Variants in RHBDF1 observed in about 807,000 individuals in gnomAD.
The protein encoded by RHBDF1 is inactive rhomboid protein 1.
In RHBDF1, 80 loss-of-function variants were observed where a neutral mutation model predicts 98.6. That is an observed-to-expected ratio of 0.81 (90% CI 0.68 to 0.98). The LOEUF is 0.98. Ranked by LOEUF, RHBDF1 falls within the 50% of genes least tolerant of loss-of-function variation. The pLI, the probability that RHBDF1 is intolerant of heterozygous loss-of-function variation, is 0.00. For missense variants in RHBDF1, 1,116 were observed against 1,198.3 expected (o/e 0.93, Z 1.01); for synonymous variants, 512 against 486.8 (o/e 1.05, Z -0.68).
chr16:65,797 G>A (rs1016916717), intron 1 of RHBDF1, among the ~76,000 whole-genome samples: 1 of 152,242 alleles, frequency 6.6e-6, no homozygotes, highest in Non-Finnish European at 1.5e-5. Context: ...AGGCTCCTGG[G>A]CACAAATGAC....
intron 1 of RHBDF1, among the ~76,000 whole-genome samples, chr16:69,316 G>T (rs1158959003): frequency 6.6e-6 from 1 of 152,156 alleles, no homozygotes; most frequent in African/African-American, 2.4e-5. Flanking sequence ...GGACCATGCT[G>T]GCAGGGACAA....
At chr16:66,668 G>T (rs1039484656) in intron 1 of RHBDF1, among the ~76,000 whole-genome samples, 21 of 152,156 alleles carry the variant, frequency 1.4e-4, no homozygotes, top group Non-Finnish European at 1.3e-4. Flanking sequence ...TGCACTTCAG[G>T]TCCCAGGTGA....
At chr16:60,166 C>T (rs1041776613) in intron 13 of RHBDF1, 50 bp downstream of exon 13, 7 of 1,612,346 alleles carry the variant, frequency 4.3e-6, no homozygotes, top group South Asian at 1.1e-5. Context: ...GTGGCATTCT[C>T]TCCCACATGA....
rs1345183701 is a variant in RHBDF1, at chr16:63,113, G to C, written c.532C>G (p.Pro178Ala). 1.2e-6 allele frequency: 2 copies of C among 1,605,364 alleles called. No homozygotes were observed. Among genetic ancestry groups the C allele is most frequent in the Non-Finnish European group, 8.5e-7 (1 of 1,176,794 alleles). Reference sequence around the variant, plus strand: ...GCACCCGGCGTGACGGGAGTGTGTGGGGCACTCAGGCCTTCCGCAGTGTCA... The same window carrying C: ...GCACCCGGCGTGACGGGAGTGTGTGCGGCACTCAGGCCTTCCGCAGTGTCA... ...ADDTAEGLSA[P>A]HTPVTPGAAS... Residue 178 changes from proline (P) to alanine (A), a missense_variant, in exon 5 of 18, where the codon CCA (proline) becomes GCA (alanine). Pro to Ala is a conservative substitution (Grantham distance 27). Coordinates refer to ENST00000262316, the MANE Select transcript of RHBDF1 (RefSeq NM_022450.5).
intron 1 of RHBDF1, among the ~76,000 whole-genome samples, chr16:69,114 G>T (rs1897906205): frequency 1.3e-5 from 2 of 152,176 alleles, no homozygotes; most frequent in Admixed American, 6.5e-5. Flanking sequence ...GGACCCTAGA[G>T]CATATGCAAC....
At chr16:65,566 C>T (rs1013333118) in intron 1 of RHBDF1, among the ~76,000 whole-genome samples, 14 of 152,178 alleles carry the variant, frequency 9.2e-5, no homozygotes, top group African/African-American at 1.7e-4. Context: ...AGGGGACAGC[C>T]GATCTGAGGT....
chr16:64,358 G>A (rs1897761331), intron 3 of RHBDF1: 1 of 1,370,828 alleles, frequency 7.3e-7, no homozygotes, highest in Non-Finnish European at 9.7e-7. Flanking sequence ...GAGAGAGACT[G>A]GCGCTGTGGG....
intron 1 of RHBDF1, among the ~76,000 whole-genome samples, chr16:65,704 C>G (rs2141860026): frequency 1.3e-5 from 2 of 152,312 alleles, no homozygotes; most frequent in South Asian, 4.1e-4. Context: ...CACATGACAG[C>G]CTGCAAGAGG....
Position 59,043 on chromosome 16 carries a change from G to A in RHBDF1, c.2079C>T (p.Ala693=), listed in dbSNP as rs762688162. ...TGACACCACTCAGCAGGTAGATGAT[G>A]GCTATGCGGTGCCAGCCTGCCAGCT... ...LEKLAGWHRI[A]IIYLLSGVTG... Residue 693 remains alanine, a synonymous_variant, in exon 17 of 18, where the codon GCC becomes GCT. Coordinates refer to ENST00000262316, the MANE Select transcript of RHBDF1 (RefSeq NM_022450.5). 8.1e-6 allele frequency: 13 copies of A among 1,613,372 alleles called. No homozygotes were observed. In the African/African-American group the frequency reaches 1.3e-4, roughly 17 times the overall value.
Position 58,750 on chromosome 16 carries a change from C to T in RHBDF1, c.2158G>A (p.Ala720Thr). The change falls in exon 18 of 18, where the codon GCT (alanine) becomes ACT (threonine). Residue 720 changes from alanine to threonine, a missense_variant. By Grantham distance (58) the Ala-to-Thr change is moderately conservative (BLOSUM62 0). Coordinates refer to ENST00000262316, the MANE Select transcript of RHBDF1 (RefSeq NM_022450.5). ...GCCAGGATGCCGAACTGGGAGCCAG[C>T]AGGACCCACCTGGGGGATGGTTGGG... is the stretch of plus-strand genomic sequence containing the variant. ...FLPYRAEVGPAGSQFGILACL... is the reference protein window; with the variant it reads ...FLPYRAEVGPTGSQFGILACL... The T allele has an allele frequency of 6.2e-7, 1 of 1,612,082 alleles. No homozygotes were observed. The highest frequency in any genetic ancestry group is 2.2e-5 in the East Asian group (1 of 44,866).
At chr16:60,743 A>G (rs954254549) in intron 11 of RHBDF1, 4 of 585,764 alleles carry the variant, frequency 6.8e-6, no homozygotes, top group Non-Finnish European at 1.2e-5. Context: ...AATCAGAAAC[A>G]ACCTCTGTGT....
At chr16:59,183 TG>T in intron 16 of RHBDF1, 56 bp from the exon 17 acceptor site, 1 of 1,596,708 alleles carries the variant, frequency 6.3e-7, no homozygotes, top group Non-Finnish European at 8.6e-7. Context: ...GTGACCTTTC[TG>T]CCACCCCCAG....
rs1266244251 is a variant in RHBDF1 at position 61,524 on chromosome 16, G to A, written c.1320+61C>T. 3.1e-6 allele frequency: 5 copies of A among 1,611,056 alleles called. No homozygotes were observed. The African/African-American group carries it at 5.3e-5, about 17-fold the overall frequency. ...TGGCCCTCTCCTCCCAGAGCGGGTC[G>A]GGAGGGGGTCCAGTGCCCGGACTCC... On this transcript the variant is annotated intron_variant, in intron 9 of 17. Coordinates refer to ENST00000262316, the MANE Select transcript of RHBDF1 (RefSeq NM_022450.5).
In RHBDF1 at chr16:65,860, C is replaced by T. The variant is rs540107749; in HGVS notation, c.-24-821G>A. Among the ~76,000 whole-genome samples the T allele has an allele frequency of 5.9e-5, 9 of 152,384 alleles. No individual in the cohort carries two copies. In the South Asian group the frequency reaches 1.0e-3, roughly 18 times the overall value. On this transcript the variant is annotated intron_variant, in intron 1 of 17. Transcript: ENST00000262316. ...CCGTAGTGACCACCAGGTGACGCCA[C>T]GCGCCCAGAAACAGCAGTGAGGCGG...
In RHBDF1 at chr16:62,549, G is replaced by C. The variant is rs934763616; in HGVS notation, c.942C>G (p.Ser314Arg). ...GALDRSELERSHLMLPLERGW... is the reference protein window; with the variant it reads ...GALDRSELERRHLMLPLERGW... ...CCTGCCGCACTCACAGCATCAGGTG[G>C]CTGCGCTCAAGCTCGCTGCGGTCCA... The change falls in exon 7 of 18, where the codon AGC becomes AGG. Residue 314 changes from serine (S) to arginine (R), a missense_variant. Coordinates refer to ENST00000262316, the MANE Select transcript of RHBDF1 (RefSeq NM_022450.5). 1 of 1,612,560 alleles carries C rather than the reference G, an allele frequency of 6.2e-7. No individual in the cohort carries two copies. Among genetic ancestry groups the C allele is most frequent in the Non-Finnish European group, 8.5e-7 (1 of 1,179,948 alleles).
At position 58,215 on chromosome 16, in the gene RHBDF1, CT is replaced by C; in HGVS notation, c.*124del. 1 of 866,602 alleles carries C rather than the reference CT, an allele frequency of 1.2e-6. No individual in the cohort carries two copies. Among genetic ancestry groups the C allele is most frequent in the Non-Finnish European group, 1.8e-6 (1 of 567,300 alleles). The allele number at this position is 866,602 out of a possible 1,614,324, so 53.7% of individuals were successfully genotyped here. On this transcript the variant is annotated 3_prime_UTR_variant, in exon 18 of 18. Transcript: ENST00000262316. ...AGTGAACAAGGCACAAGAAAGAGGT[CT>C]GTGTTCAGGAAACAGGCCAGTCCCC...
In RHBDF1 at chr16:64,704, G is replaced by A; in HGVS notation, c.243C>T (p.Ile81=). The A allele has an allele frequency of 6.2e-7, 1 of 1,610,438 alleles. No homozygotes were observed. The highest frequency in any genetic ancestry group is 2.2e-5 in the East Asian group (1 of 44,776). Residue 81 remains isoleucine (I), a synonymous_variant, in exon 3 of 18, where the codon ATC becomes ATT. Transcript: ENST00000262316. ...CAGCTGGGCGGTGTTGGTACCTGCG[G>A]ATGGTCTGTGTGATGGACGTCTGGC... ...LQRQTSITQT[I]RRGTADWFGV...
rs748256391 is a variant in RHBDF1, at chr16:59,470, G to A, written c.1842C>T (p.Tyr614=). The A allele has an allele frequency of 2.5e-6, 4 of 1,613,656 alleles. No homozygotes were observed. The highest frequency in any genetic ancestry group is 3.4e-6 in the Non-Finnish European group (4 of 1,179,990). The change falls in exon 15 of 18, where the codon TAC becomes TAT. Residue 614 remains tyrosine (Y), a synonymous_variant. Coordinates refer to ENST00000262316, the MANE Select transcript of RHBDF1 (RefSeq NM_022450.5). ...GGAAGTAGCCCCTCATGAAGTCACA[G>A]TACTCCCGGGAGGTGATCTCACACC... is the stretch of plus-strand genomic sequence containing the variant. ...KGRCEITSRE[Y]CDFMRGYFHE...
chr16:72,849 C>A (rs1445808101), upstream of RHBDF1, among the ~76,000 whole-genome samples: 3 of 152,134 alleles, frequency 2.0e-5, no homozygotes, highest in African/African-American at 7.2e-5. Flanking sequence ...TGGGAGCGGA[C>A]CGCAGTGTCA....
Sources: allele counts gnomAD v4.1 joint callset (sites outside exome capture counted in the v4.1 genomes callset), GRCh38; gene constraint gnomAD v4.1.1; transcripts MANE v1.5; gene names NCBI Gene and HGNC (gene_info 2026-07-23, HGNC 2026-07-21).